Variants in SVIP observed in about 807,000 individuals in gnomAD.
The protein encoded by SVIP is small VCP interacting protein.
Under a neutral mutation model 12.9 loss-of-function variants are expected in SVIP, and 14 were observed. The observed-to-expected ratio is 1.08, with a 90% confidence interval of 0.72 to 1.70. The LOEUF (loss-of-function observed/expected upper bound fraction) is 1.70, where lower values mean the gene tolerates loss of function less well. SVIP is among the 40% of genes most tolerant of loss of function. The probability of loss-of-function intolerance (pLI) is 0.00; values close to 1 mark genes in which losing one functional copy is unlikely to be tolerated. For synonymous variants in SVIP, 35 were observed against 33.3 expected (o/e 1.05, Z -0.17); for missense variants, 93 against 90.8 (o/e 1.02, Z -0.10).
At chr11:22,825,516 T>C (rs1857664849) in intron 3 of SVIP, among the ~76,000 whole-genome samples, 1 of 152,198 alleles carries the variant, frequency 6.6e-6, no homozygotes, top group Non-Finnish European at 1.5e-5. Flanking sequence ...AGTTTCAAGG[T>C]CCTGAAGGTC....
At chr11:22,827,346 A>G in intron 2 of SVIP, 26 bp from the exon 3 acceptor site, 12 of 1,569,264 alleles carry the variant, frequency 7.6e-6, no homozygotes, top group Non-Finnish European at 1.0e-5. Context: ...TAAGAAAAAC[A>G]GAAAGACAAC....
At chr11:22,825,324 A>T (rs959648025) in intron 3 of SVIP, among the ~76,000 whole-genome samples, 1 of 152,076 alleles carries the variant, frequency 6.6e-6, no homozygotes, top group African/African-American at 2.4e-5. Flanking sequence ...AGCCTTCCAG[A>T]ATTTTTTCAC....
rs887952005 is a variant in SVIP, at chr11:22,819,039, A to G, written c.*4080T>C. 1 of 152,120 alleles carries G rather than the reference A, an allele frequency of 6.6e-6. No homozygotes were observed. The highest frequency in any genetic ancestry group is 2.4e-5 in the African/African-American group (1 of 41,442). The allele number at this position is 152,120 out of a possible 1,614,324, so 9.4% of individuals were successfully genotyped here. Reference sequence around the variant, plus strand: ...TGTAATTTAAATTTTCCCACTTTCAATTACAGATTTTTCATTGCTTGCATA... The same window carrying G: ...TGTAATTTAAATTTTCCCACTTTCAGTTACAGATTTTTCATTGCTTGCATA... On this transcript the variant is annotated 3_prime_UTR_variant, in exon 4 of 4. Coordinates refer to ENST00000354193, the MANE Select transcript of SVIP (RefSeq NM_148893.3).
intron 3 of SVIP, among the ~76,000 whole-genome samples, chr11:22,823,871 C>T (rs1214454484): frequency 1.3e-5 from 2 of 152,150 alleles, no homozygotes; most frequent in African/African-American, 4.8e-5. Flanking sequence ...ACCACAGGCA[C>T]ATGCCACCAC....
chr11:22,828,190 T>A (rs1857794525), intron 1 of SVIP, among the ~76,000 whole-genome samples: 1 of 152,088 alleles, frequency 6.6e-6, no homozygotes, highest in Non-Finnish European at 1.5e-5. Flanking sequence ...AAAAGGAAAA[T>A]ACATGGTTTG....
intron 1 of SVIP, chr11:22,829,488 A>G: frequency 1.3e-5 from 6 of 444,670 alleles, no homozygotes; most frequent in Non-Finnish European, 2.4e-5. Context: ...TTTTGTTACA[A>G]AAGTGGAGAT....
intron 1 of SVIP, 154 bp downstream of exon 1, chr11:22,829,541 C>A: frequency 1.4e-6 from 1 of 693,378 alleles, no homozygotes; most frequent in East Asian, 3.1e-5. Flanking sequence ...CAGGACCCAA[C>A]GACCCTCCTG....
At chr11:22,826,174 AATGAT>A (rs1857694312) in intron 3 of SVIP, among the ~76,000 whole-genome samples, 1 of 152,318 alleles carries the variant, frequency 6.6e-6, no homozygotes, top group Non-Finnish European at 1.5e-5. Context: ...TCATTCGTTA[AATGAT>A]ATAAGATGAA....
rs1296242466 is a variant in SVIP, at chr11:22,822,339, T to C, written c.*780A>G. The C allele has an allele frequency of 1.3e-5, 2 of 152,140 alleles. No individual in the cohort carries two copies. Among genetic ancestry groups the C allele is most frequent in the Non-Finnish European group, 2.9e-5 (2 of 67,998 alleles). 9.4% of individuals were successfully genotyped at this position (152,140 alleles called of 1,614,324 possible). ...ACTACTTATGAAATATGGACAAATA[T>C]ATTACTACTCATTATAACCCATCCA... On this transcript the variant is annotated 3_prime_UTR_variant, in exon 4 of 4. Coordinates refer to ENST00000354193, the MANE Select transcript of SVIP (RefSeq NM_148893.3).
At chr11:22,827,946 A>G in intron 1 of SVIP, 72 bp from the exon 2 acceptor site, 1 of 1,187,906 alleles carries the variant, frequency 8.4e-7, no homozygotes, top group Non-Finnish European at 1.1e-6. Flanking sequence ...CATTTATTTC[A>G]TAGGCACTAT....
At position 22,821,414 on chromosome 11, in the gene SVIP, T is replaced by C. The variant is rs1326231751; in HGVS notation, c.*1705A>G. ...ATCATTCATGGTTAACAATAGATAGTGTGACATTTGGGTATGACCTGCTGG... is the reference window on the plus strand; with the variant it reads ...ATCATTCATGGTTAACAATAGATAGCGTGACATTTGGGTATGACCTGCTGG... On this transcript the variant is annotated 3_prime_UTR_variant, in exon 4 of 4. Coordinates refer to ENST00000354193, the MANE Select transcript of SVIP (RefSeq NM_148893.3). 5 of 152,216 alleles carry C rather than the reference T, an allele frequency of 3.3e-5. No individual in the cohort carries two copies. In the East Asian group the frequency reaches 7.7e-4, roughly 24 times the overall value. 9.4% of individuals were successfully genotyped at this position (152,216 alleles called of 1,614,324 possible). A position where few individuals can be genotyped will look rare whatever the true frequency, so the allele number is the denominator to read the frequency against.
chr11:22,826,810 C>G (rs1857723456), intron 3 of SVIP, among the ~76,000 whole-genome samples: 1 of 152,110 alleles, frequency 6.6e-6, no homozygotes, highest in Admixed American at 6.5e-5. Context: ...TAAAACAGAA[C>G]TTATAGCGTA....
rs1564905934 is a variant in SVIP, at chr11:22,824,461, C to CGTATATATAT, written c.220-1329_220-1328insATATATATAC. On this transcript the variant is annotated intron_variant, in intron 3 of 3. Coordinates refer to ENST00000354193, the MANE Select transcript of SVIP (RefSeq NM_148893.3). The stretch of plus-strand genomic sequence containing the variant: ...ACACACACACATATATATATATATA[C>CGTATATATAT]ACATATATATACGTATATATATATG... Among the ~76,000 whole-genome samples, 276 of 44,124 alleles carry CGTATATATAT rather than the reference C, an allele frequency of 6.3e-3. 5 individuals carry two copies. The highest frequency in any genetic ancestry group is 0.029 in the East Asian group (82 of 2,870). 28.9% of individuals were successfully genotyped at this position (44,124 alleles called of 152,430 possible). A position where few individuals can be genotyped will look rare whatever the true frequency, so the allele number is the denominator to read the frequency against.
chr11:22,826,904 T>C (rs1315514983), intron 3 of SVIP, among the ~76,000 whole-genome samples: 1 of 152,140 alleles, frequency 6.6e-6, no homozygotes, highest in East Asian at 1.9e-4. Context: ...TTTACACTTC[T>C]TTATACTTCT....
At position 22,819,165 on chromosome 11, in the gene SVIP, C is replaced by T. The variant is rs78228027; in HGVS notation, c.*3954G>A. ...TGTGGAACCTCTGAGAATTTTCTAC[C>T]TGAGACACTTGGTATTAACCTACTT... On this transcript the variant is annotated 3_prime_UTR_variant, in exon 4 of 4. Coordinates refer to ENST00000354193, the MANE Select transcript of SVIP (RefSeq NM_148893.3). 39 of 152,230 alleles carry T rather than the reference C, an allele frequency of 2.6e-4. No individual in the cohort carries two copies. Among genetic ancestry groups the T allele is most frequent in the Middle Eastern group, 6.8e-3 (2 of 294 alleles). 9.4% of individuals were successfully genotyped at this position (152,230 alleles called of 1,614,324 possible).
rs1470015487 is a variant in SVIP at position 22,821,241 on chromosome 11, C to G, written c.*1878G>C. 2 of 151,222 alleles carry G rather than the reference C, an allele frequency of 1.3e-5. 1 individual carries two copies. Among genetic ancestry groups the G allele is most frequent in the Non-Finnish European group, 2.9e-5 (2 of 67,874 alleles). The allele number at this position is 151,222 out of a possible 1,614,324, so 9.4% of individuals were successfully genotyped here. On this transcript the variant is annotated 3_prime_UTR_variant, in exon 4 of 4. Transcript: ENST00000354193. The stretch of plus-strand genomic sequence containing the variant: ...ATCCAGTCACTTCTTTTCCCTTGCC[C>G]TTTCCTAACACTGTTCCTAACATTT...
At chr11:22,829,639 C>G (rs1857877692) in intron 1 of SVIP, 56 bp downstream of exon 1, 2 of 1,526,670 alleles carry the variant, frequency 1.3e-6, no homozygotes, top group Non-Finnish European at 1.8e-6. Flanking sequence ...GCCCCGCAAC[C>G]CGAGGACAGG....
rs1000399963 is a variant in SVIP, at chr11:22,820,691, T to A, written c.*2428A>T. 3.3e-5 allele frequency: 5 copies of A among 152,218 alleles called. No individual in the cohort carries two copies. The highest frequency in any genetic ancestry group is 1.2e-4 in the African/African-American group (5 of 41,454). The allele number at this position is 152,218 out of a possible 1,614,324, so 9.4% of individuals were successfully genotyped here. The stretch of plus-strand genomic sequence containing the variant: ...AAACCATGTGTGAGAACTGTTAAAT[T>A]ACATTCCAAATACCAGCAGTGGAAC... On this transcript the variant is annotated 3_prime_UTR_variant, in exon 4 of 4. Transcript: ENST00000354193.
chr11:22,824,447 T>C (rs185441551), intron 3 of SVIP, among the ~76,000 whole-genome samples: 3,071 of 96,962 alleles, frequency 0.032, 100 homozygotes, highest in African/African-American at 0.083. Flanking sequence ...CACACACACA[T>C]ATATATATAT....
Sources: gnomAD v4.1 joint callset for allele counts (sites outside exome capture counted in the v4.1 genomes callset) on GRCh38, gnomAD v4.1.1 for gene constraint, MANE v1.5 for transcripts, NCBI Gene and HGNC (gene_info 2026-07-23, HGNC 2026-07-21) for gene names.